The following FAM107B variants were observed in gnomAD, a reference collection of about 807,000 sequenced individuals.
The protein encoded by FAM107B is protein FAM107B.
In FAM107B, 21 loss-of-function variants were observed where a neutral mutation model predicts 31.5. The ratio of observed to expected loss-of-function variants is 0.67; its 90% CI spans 0.47 to 0.96. The LOEUF (loss-of-function observed/expected upper bound fraction) is 0.96. Among genes scored for constraint, FAM107B ranks in the 40% least tolerant of loss-of-function variants. FAM107B has a pLI of 0.00. For synonymous variants in FAM107B, 157 were observed against 141.5 expected, an observed-to-expected ratio of 1.11 and a Z score of -0.78; for missense variants, 452 against 377.1, an observed-to-expected ratio of 1.20 and a Z score of -1.64.
At position 14,774,480 on chromosome 10, in the gene FAM107B, T is replaced by C. The variant is rs200987367; in HGVS notation, c.184A>G (p.Arg62Gly). ...TCTGCGCTTGGGTGTCTTGGCTGTCTGCCTGCTTTGGCCACAGGCTGCACA... is the reference window on the plus strand; with the variant it reads ...TCTGCGCTTGGGTGTCTTGGCTGTCCGCCTGCTTTGGCCACAGGCTGCACA... ...VRVQPVAKAG[R>G]QPRHPSAEGA... Residue 62 changes from arginine to glycine, a missense_variant, in exon 1 of 5, where the codon AGA becomes GGA. By Grantham distance (125) the Arg-to-Gly change is moderately radical. Coordinates refer to ENST00000181796, the MANE Select transcript of FAM107B (RefSeq NM_031453.4). The C allele has an allele frequency of 1.9e-6, 3 of 1,614,230 alleles. No individual in the cohort carries two copies. The highest frequency in any genetic ancestry group is 4.5e-5 in the East Asian group (2 of 44,874).
chr10:14,563,230 C>T (rs1018364612), intron 2 of FAM107B, among the ~76,000 whole-genome samples: 5 of 152,104 alleles, frequency 3.3e-5, no homozygotes, highest in African/African-American at 9.7e-5. Flanking sequence ...ACATTTCTCT[C>T]GTAACAAAAA....
At chr10:14,767,053 TATAGAGAG>T (rs1439380472) in intron 1 of FAM107B, among the ~76,000 whole-genome samples, 24 of 26,402 alleles carry the variant, frequency 9.1e-4, no homozygotes, top group African/African-American at 2.6e-3. Context: ...TATATATATA[TATAGAGAG>T]AGAGAGAGAG....
chr10:14,561,554 A>G (rs1048959009), intron 2 of FAM107B, among the ~76,000 whole-genome samples: 4 of 152,128 alleles, frequency 2.6e-5, no homozygotes, highest in African/African-American at 9.7e-5. Flanking sequence ...ATGATCAGGA[A>G]CTGGGTTATG....
At chr10:14,633,704 T>A (rs1853424973) in intron 2 of FAM107B, among the ~76,000 whole-genome samples, 2 of 152,112 alleles carry the variant, frequency 1.3e-5, no homozygotes, top group Admixed American at 1.3e-4. Flanking sequence ...CATAAACAAA[T>A]CCCTTATTAA....
At chr10:14,729,785 A>T (rs549852393) in intron 1 of FAM107B, among the ~76,000 whole-genome samples, 1 of 152,312 alleles carries the variant, frequency 6.6e-6, no homozygotes, top group South Asian at 2.1e-4. Flanking sequence ...CTTGGAACCA[A>T]CCCAGATGCC....
intron 1 of FAM107B, among the ~76,000 whole-genome samples, chr10:14,735,887 T>C (rs906519113): frequency 6.6e-6 from 1 of 152,162 alleles, no homozygotes; most frequent in Admixed American, 6.5e-5. Flanking sequence ...GTGACATTAC[T>C]ATATCTCTAC....
chr10:14,573,748 G>A (rs1390844235), intron 2 of FAM107B, among the ~76,000 whole-genome samples: 3 of 151,838 alleles, frequency 2.0e-5, no homozygotes, highest in Non-Finnish European at 2.9e-5. Flanking sequence ...AAATAAATAA[G>A]TAAATAAGTT....
intron 1 of FAM107B, among the ~76,000 whole-genome samples, chr10:14,691,567 C>T (rs1201783801): frequency 6.6e-6 from 1 of 152,134 alleles, no homozygotes; most frequent in Non-Finnish European, 1.5e-5. Context: ...GCCTTATCTT[C>T]CTCCTTCAAC....
intron 1 of FAM107B, among the ~76,000 whole-genome samples, chr10:14,693,860 T>TAAACAGTATTTGCA (rs1330835598): frequency 6.6e-6 from 1 of 152,264 alleles, no homozygotes. Flanking sequence ...TGTAATAGTG[T>TAAACAGTATTTGCA]AAACAGTATT....
At chr10:14,583,438 T>C (rs1038318969) in intron 2 of FAM107B, among the ~76,000 whole-genome samples, 14 of 152,066 alleles carry the variant, frequency 9.2e-5, no homozygotes, top group East Asian at 3.9e-4. Flanking sequence ...ACCACAGAAC[T>C]CTGAAAACAG....
At chr10:14,670,867 G>T (rs1396137897) in intron 1 of FAM107B, among the ~76,000 whole-genome samples, 1 of 152,244 alleles carries the variant, frequency 6.6e-6, no homozygotes, top group African/African-American at 2.4e-5. Flanking sequence ...TTAGAGAAAA[G>T]AAGCTGAGCT....
At chr10:14,725,307 G>A (rs1446486411) in intron 1 of FAM107B, among the ~76,000 whole-genome samples, 1 of 152,186 alleles carries the variant, frequency 6.6e-6, no homozygotes, top group Admixed American at 6.5e-5. Flanking sequence ...GAAGAAAAGG[G>A]AAGGGAATGG....
At chr10:14,773,847 TAG>T (rs1248200517) in intron 1 of FAM107B, among the ~76,000 whole-genome samples, 1 of 152,192 alleles carries the variant, frequency 6.6e-6, no homozygotes, top group African/African-American at 2.4e-5. Flanking sequence ...GTGAATTCCC[TAG>T]CCAAACTTTT....
At chr10:14,700,696 C>T (rs976999971) in intron 1 of FAM107B, among the ~76,000 whole-genome samples, 21 of 151,844 alleles carry the variant, frequency 1.4e-4, no homozygotes, top group Non-Finnish European at 7.4e-5. Flanking sequence ...ATGCTTTTTT[C>T]CCCCAGATGT....
chr10:14,655,344 T>G (rs1367026908), intron 2 of FAM107B, among the ~76,000 whole-genome samples: 1 of 152,186 alleles, frequency 6.6e-6, no homozygotes, highest in African/African-American at 2.4e-5. Flanking sequence ...TCAAAGAAGA[T>G]AGTTTGCATT....
chr10:14,766,432 G>A (rs1381682904), intron 1 of FAM107B, among the ~76,000 whole-genome samples: 2 of 152,098 alleles, frequency 1.3e-5, no homozygotes, highest in Non-Finnish European at 2.9e-5. Flanking sequence ...TCATTAGAGT[G>A]GAAATGGATT....
intron 1 of FAM107B, among the ~76,000 whole-genome samples, chr10:14,674,527 C>T (rs370529609): frequency 5.3e-5 from 8 of 152,232 alleles, no homozygotes; most frequent in African/African-American, 1.9e-4. Flanking sequence ...TTATCCTCTC[C>T]CTGAACTAGG....
intron 2 of FAM107B, among the ~76,000 whole-genome samples, chr10:14,568,649 A>G (rs1197849789): frequency 8.5e-5 from 13 of 152,262 alleles, no homozygotes; most frequent in African/African-American, 2.7e-4. Flanking sequence ...GGGTTAGACC[A>G]GGAGGTGAAG....
At chr10:14,620,238 C>T (rs150744409) in intron 2 of FAM107B, among the ~76,000 whole-genome samples, 5,193 of 152,072 alleles carry the variant, frequency 0.034, 117 homozygotes, top group Middle Eastern at 0.054. Flanking sequence ...AGGATGGTCT[C>T]GATGTCTCGA....
Sources: gnomAD v4.1 joint callset for allele counts (sites outside exome capture counted in the v4.1 genomes callset) on GRCh38, gnomAD v4.1.1 for gene constraint, MANE v1.5 for transcripts, NCBI Gene and HGNC (gene_info 2026-07-23, HGNC 2026-07-21) for gene names.